The following CEP152 variants were observed in gnomAD, a reference collection of about 807,000 sequenced individuals.
CEP152 encodes centrosomal protein of 152 kDa.
In CEP152, 132 loss-of-function variants were observed where a neutral mutation model predicts 188.9. The ratio of observed to expected loss-of-function variants is 0.70; its 90% CI spans 0.61 to 0.81. CEP152 has a LOEUF of 0.81. Ranked by LOEUF, CEP152 falls within the 30% of genes least tolerant of loss-of-function variation. The pLI, the probability that CEP152 is intolerant of heterozygous loss-of-function variation, is 0.00. For missense variants in CEP152, 1,914 were observed against 1,969.8 expected (o/e 0.97, Z 0.54); for synonymous variants, 649 against 666.6 (o/e 0.97, Z 0.41).
chr15:48,742,209 G>A (rs1312801378), intron 24 of CEP152, 109 bp from the exon 25 acceptor site: 2 of 995,030 alleles, frequency 2.0e-6, no homozygotes, highest in African/African-American at 3.2e-5. Flanking sequence ...GTGATTTTAA[G>A]TATAGTTTAA....
At position 48,748,576 on chromosome 15, in the gene CEP152, G is replaced by A. The variant is rs1401904346; in HGVS notation, c.3501C>T (p.Cys1167=). 4.7e-6 allele frequency: 7 copies of A among 1,504,882 alleles called. No homozygotes were observed. Among genetic ancestry groups the A allele is most frequent in the Non-Finnish European group, 6.2e-6 (7 of 1,135,682 alleles). 93.2% of individuals were successfully genotyped at this position (1,504,882 alleles called of 1,614,324 possible). ...KKKVLEIKDL[C]CGHCFQELEK... Reference sequence around the variant, plus strand: ...CAAGTTCTTGGAAGCAGTGTCCACAGCATAAATCCTTAATTTCAAGGACCT... The same window carrying A: ...CAAGTTCTTGGAAGCAGTGTCCACAACATAAATCCTTAATTTCAAGGACCT... Residue 1167 remains cysteine, a synonymous_variant, in exon 22 of 27, where the codon TGC becomes TGT. Coordinates refer to ENST00000380950, the MANE Select transcript of CEP152 (RefSeq NM_001194998.2).
chr15:48,768,122 CTCAA>C, intron 15 of CEP152, 93 bp downstream of exon 15: 1 of 768,376 alleles, frequency 1.3e-6, no homozygotes, highest in Admixed American at 1.9e-5. Flanking sequence ...GTAGAAATCA[CTCAA>C]TCATTTTGAA....
Position 48,738,614 on chromosome 15 carries a change from A to G in CEP152, c.4768T>C (p.Phe1590Leu). ...TLSFDSREAS[F>L]VHGRPQGTLE... ...GTTCCTTGTGGCCTACCATGTACAA[A>G]TGATGCTTCACGACTGTCAAAGGAT... The change falls in exon 27 of 27, where the codon TTT (phenylalanine) becomes CTT (leucine). Residue 1590 changes from phenylalanine to leucine, a missense_variant. Coordinates refer to ENST00000380950, the MANE Select transcript of CEP152 (RefSeq NM_001194998.2). The G allele has an allele frequency of 6.2e-7, 1 of 1,614,170 alleles. No homozygotes were observed.
intron 9 of CEP152, among the ~76,000 whole-genome samples, chr15:48,785,956 C>A (rs1347623788): frequency 2.0e-5 from 3 of 149,310 alleles, no homozygotes; most frequent in Non-Finnish European, 4.4e-5. Context: ...GAGATGACAG[C>A]TGAATCTGTG....
downstream of CEP152, among the ~76,000 whole-genome samples, chr15:48,735,958 G>A (rs1162200963): frequency 6.6e-6 from 1 of 151,922 alleles, no homozygotes; most frequent in African/African-American, 2.4e-5. Context: ...GAATGAAAGG[G>A]GGACATCATT....
chr15:48,788,616 A>G (rs113686212), intron 9 of CEP152, among the ~76,000 whole-genome samples, 185 bp downstream of exon 9: 117 of 151,850 alleles, frequency 7.7e-4, no homozygotes, highest in African/African-American at 2.7e-3. Context: ...AAGTACTGGG[A>G]TTACAGGCGT....
Position 48,755,973 on chromosome 15 carries a change from C to T in CEP152, c.3275G>A (p.Gly1092Asp). Residue 1092 changes from glycine to aspartate, a missense_variant, in exon 20 of 27, where the codon GGC becomes GAC. Coordinates refer to ENST00000380950, the MANE Select transcript of CEP152 (RefSeq NM_001194998.2). ...MSVQYFEKLK[G>D]CIQKAFQDTL... ...ATCTTGAAATGCTTTCTGTATGCAG[C>T]CCTTTAGTTTTTCAAAATATTGCAC... The T allele has an allele frequency of 7.4e-6, 12 of 1,614,022 alleles. No homozygotes were observed. The highest frequency in any genetic ancestry group is 9.3e-6 in the Non-Finnish European group (11 of 1,179,956).
chr15:48,783,494 T>C (rs1567014672), intron 10 of CEP152: 1 of 152,070 alleles, frequency 6.6e-6, no homozygotes, highest in Non-Finnish European at 1.5e-5. Context: ...TCACTTTTAG[T>C]TTTCAGGGAT....
intron 2 of CEP152, among the ~76,000 whole-genome samples, chr15:48,804,013 C>A (rs897038678): frequency 3.3e-5 from 5 of 152,208 alleles, no homozygotes; most frequent in Non-Finnish European, 7.3e-5. Context: ...GAAACCCTCA[C>A]CAGGGTCATA....
intron 26 of CEP152, chr15:48,741,380 G>T: frequency 7.3e-7 from 1 of 1,378,182 alleles, no homozygotes; most frequent in Non-Finnish European, 9.4e-7. Flanking sequence ...TCATTTCGAG[G>T]GATGGAAGCA....
chr15:48,737,552 G>A (rs1166307023), downstream of CEP152, among the ~76,000 whole-genome samples: 1 of 151,980 alleles, frequency 6.6e-6, no homozygotes, highest in African/African-American at 2.4e-5. Context: ...TTTTCAAAAG[G>A]TCGTATTTCA....
intron 12 of CEP152, 39 bp downstream of exon 12, chr15:48,781,157 T>A: frequency 6.4e-7 from 1 of 1,565,506 alleles, no homozygotes; most frequent in Non-Finnish European, 8.8e-7. Context: ...ATTACTAATG[T>A]TGGTTCTTCT....
chr15:48,741,457 G>T, intron 26 of CEP152, 144 bp downstream of exon 26: 1 of 1,521,522 alleles, frequency 6.6e-7, no homozygotes, highest in Non-Finnish European at 8.8e-7. Context: ...CTCTTTTTGC[G>T]TAAACTTCTA....
Position 48,791,390 on chromosome 15 carries a change from A to G in CEP152, c.833-14T>C, listed in dbSNP as rs1896979944. On this transcript the variant is annotated splice_polypyrimidine_tract_variant and intron_variant, in intron 7 of 26. Coordinates refer to ENST00000380950, the MANE Select transcript of CEP152 (RefSeq NM_001194998.2). ...CATCCTTTTCATCTACGGTATTAAA[A>G]ATGTTTATATAAATAATGTTCCTGT... The G allele has an allele frequency of 6.2e-7, 1 of 1,607,394 alleles. No individual in the cohort carries two copies. Among genetic ancestry groups the G allele is most frequent in the African/African-American group, 1.3e-5 (1 of 74,838 alleles).
At position 48,739,043 on chromosome 15, in the gene CEP152, C is replaced by T. The variant is rs1892771433; in HGVS notation, c.4339G>A (p.Asp1447Asn). 1.2e-6 allele frequency: 2 copies of T among 1,614,064 alleles called. No homozygotes were observed. Among genetic ancestry groups the T allele is most frequent in the South Asian group, 2.2e-5 (2 of 91,088 alleles). ...KETHLEFQFG[D>N]GSCKHLNSLP... ...CTGTTTAGGTGCTTGCAACTACCATCCCCAAACTGGAATTCCAAATGTGTC... is the reference window on the plus strand; with the variant it reads ...CTGTTTAGGTGCTTGCAACTACCATTCCCAAACTGGAATTCCAAATGTGTC... Residue 1447 changes from aspartate (D) to asparagine (N), a missense_variant, in exon 27 of 27, where the codon GAT becomes AAT. Asp to Asn is a conservative substitution (Grantham distance 23). Coordinates refer to ENST00000380950, the MANE Select transcript of CEP152 (RefSeq NM_001194998.2).
intron 23 of CEP152, 84 bp from the exon 24 acceptor site, chr15:48,744,427 T>A: frequency 1.3e-6 from 2 of 1,560,272 alleles, no homozygotes; most frequent in Non-Finnish European, 8.7e-7. Context: ...CCATATACTC[T>A]AATAAAGTTA....
At chr15:48,729,685 G>A (rs1174899852) in intron 2 of CEP152, 1 of 151,914 alleles carries the variant, frequency 6.6e-6, no homozygotes, top group African/African-American at 2.4e-5. Context: ...GAATACTCAG[G>A]GTGTCTGCAA....
Position 48,755,809 on chromosome 15 carries a change from C to A in CEP152, c.3345+94G>T. ...GACAAAAACATAAGACTTACATCTA[C>A]TAAAATTTAAAAGGAAAAAAGGAAA... is the stretch of plus-strand genomic sequence containing the variant. On this transcript the variant is annotated intron_variant, in intron 20 of 26. Transcript: ENST00000380950. 3 of 1,586,916 alleles carry A rather than the reference C, an allele frequency of 1.9e-6. No homozygotes were observed. In the South Asian group the frequency reaches 3.5e-5, roughly 18 times the overall value.
Position 48,738,893 on chromosome 15 carries a change from G to C in CEP152, c.4489C>G (p.Pro1497Ala). 1.9e-6 allele frequency: 3 copies of C among 1,614,172 alleles called. No homozygotes were observed. The highest frequency in any genetic ancestry group is 1.1e-5 in the South Asian group (1 of 91,082). Residue 1497 changes from proline (P) to alanine (A), a missense_variant, in exon 27 of 27, where the codon CCC (proline) becomes GCC (alanine). Transcript: ENST00000380950. ...SESLPHSAAY[P>A]FLGTLGNKPS... is the part of the protein sequence containing the mutation. ...TTATTTCCTAAGGTTCCAAGAAAGG[G>C]GTATGCAGCTGAATGCGGAAGTGAT...
Sources: allele counts gnomAD v4.1 joint callset (sites outside exome capture counted in the v4.1 genomes callset), GRCh38; gene constraint gnomAD v4.1.1; transcripts MANE v1.5; gene names NCBI Gene and HGNC (gene_info 2026-07-23, HGNC 2026-07-21).